MAGI2: variants seen among roughly 807,000 people sequenced by gnomAD.
MAGI2 encodes the protein membrane-associated guanylate kinase, WW and PDZ domain-containing protein 2.
A neutral mutation model predicts 133.3 loss-of-function variants in MAGI2; 35 were observed. The ratio of observed to expected loss-of-function variants is 0.26; its 90% CI spans 0.20 to 0.35. The LOEUF (loss-of-function observed/expected upper bound fraction) is 0.35. MAGI2 is among the 10% of genes least tolerant of loss of function. The pLI is 1.00. For synonymous variants in MAGI2, 729 were observed against 710.6 expected, an observed-to-expected ratio of 1.03 and a Z score of -0.41; for missense variants, 1,636 against 1,863.4, an observed-to-expected ratio of 0.88 and a Z score of 2.25.
chr7:78,589,872 G>A (rs1000722308), intron 3 of MAGI2, among the ~76,000 whole-genome samples: 12 of 152,150 alleles, frequency 7.9e-5, no homozygotes, highest in Admixed American at 7.9e-4. Flanking sequence ...ACAACAAGCA[G>A]GTTATTATTT....
chr7:78,450,235 A>G (rs6957152), intron 6 of MAGI2, among the ~76,000 whole-genome samples: 49,583 of 151,788 alleles, frequency 0.33, 8,272 homozygotes, highest in East Asian at 0.47. Flanking sequence ...CATAACATTC[A>G]TATGATTTAA....
chr7:78,505,772 G>A (rs62467121), intron 4 of MAGI2, among the ~76,000 whole-genome samples: 5 of 152,108 alleles, frequency 3.3e-5, no homozygotes, highest in South Asian at 2.1e-4. Context: ...TAAGGGAATC[G>A]TATGTATATG....
intron 2 of MAGI2, among the ~76,000 whole-genome samples, chr7:78,984,287 C>T (rs963794827): frequency 4.6e-5 from 7 of 151,976 alleles, no homozygotes; most frequent in Non-Finnish European, 1.0e-4. Context: ...TCAGCATTCT[C>T]CATACACAGC....
chr7:78,781,786 A>T (rs1407812165), intron 2 of MAGI2, among the ~76,000 whole-genome samples: 1 of 152,242 alleles, frequency 6.6e-6, no homozygotes, highest in Non-Finnish European at 1.5e-5. Flanking sequence ...GAATGTTAAC[A>T]TCAGAAAAAA....
At chr7:78,951,722 C>T (rs555990382) in intron 2 of MAGI2, among the ~76,000 whole-genome samples, 115 of 152,260 alleles carry the variant, frequency 7.6e-4, no homozygotes, top group African/African-American at 2.7e-3. Flanking sequence ...CTTCATCCAA[C>T]CAAAAATTTT....
At chr7:78,439,005 T>C (rs958584845) in intron 6 of MAGI2, among the ~76,000 whole-genome samples, 12 of 152,196 alleles carry the variant, frequency 7.9e-5, no homozygotes, top group East Asian at 3.9e-4. Flanking sequence ...GTAACTACCT[T>C]GAACTACCTG....
intron 20 of MAGI2, among the ~76,000 whole-genome samples, chr7:78,088,430 A>T (rs1274570546): frequency 2.0e-5 from 3 of 152,218 alleles, no homozygotes; most frequent in Admixed American, 2.0e-4. Context: ...GAGCATGAAA[A>T]GGTACACCAA....
intron 2 of MAGI2, among the ~76,000 whole-genome samples, chr7:78,645,546 A>G (rs899546952): frequency 6.6e-6 from 1 of 152,120 alleles, no homozygotes; most frequent in Non-Finnish European, 1.5e-5. Flanking sequence ...CAAACTAGAG[A>G]AGAAAACCCA....
intron 1 of MAGI2, among the ~76,000 whole-genome samples, chr7:79,287,666 A>C (rs180985780): frequency 6.6e-6 from 1 of 152,268 alleles, no homozygotes; most frequent in Non-Finnish European, 1.5e-5. Flanking sequence ...GCTTTGCAGG[A>C]CCTTTGCTAG....
intron 1 of MAGI2, among the ~76,000 whole-genome samples, chr7:79,164,698 T>C (rs1824752759): frequency 6.6e-6 from 1 of 151,942 alleles, no homozygotes; most frequent in Admixed American, 6.6e-5. Context: ...GCTTGAAAGT[T>C]CCCCCACCTT....
Position 79,278,378 on chromosome 7 carries a change from G to C in MAGI2, c.301+174642C>G, listed in dbSNP as rs764507814. 1.1e-3 allele frequency among the ~76,000 whole-genome samples: 160 copies of C among 152,190 alleles called. 1 individual carries two copies. Among genetic ancestry groups the C allele is most frequent in the Non-Finnish European group, 1.4e-3 (96 of 67,992 alleles). ...TGCCTCTTTCTTTATAAATTACCCA[G>C]TTTCAGGTATTTCTTTATAGTAATG... On this transcript the variant is annotated intron_variant, in intron 1 of 21. Coordinates refer to ENST00000354212, the MANE Select transcript of MAGI2 (RefSeq NM_012301.4).
chr7:78,120,576 G>A (rs939133958), intron 20 of MAGI2, among the ~76,000 whole-genome samples: 2 of 152,054 alleles, frequency 1.3e-5, no homozygotes, highest in African/African-American at 4.8e-5. Context: ...ATTGATGCAG[G>A]GATAGACAAA....
At chr7:79,306,999 T>A (rs12536811) in intron 1 of MAGI2, among the ~76,000 whole-genome samples, 1 of 151,830 alleles carries the variant, frequency 6.6e-6, no homozygotes, top group Non-Finnish European at 1.5e-5. Flanking sequence ...TCTTTTTCTT[T>A]TTTGTATTTT....
chr7:78,631,574 G>A (rs1204618307), intron 2 of MAGI2, among the ~76,000 whole-genome samples: 1 of 152,172 alleles, frequency 6.6e-6, no homozygotes, highest in African/African-American at 2.4e-5. Context: ...AGAAGAAACA[G>A]AGAACGCCAT....
chr7:79,086,517 C>T (rs1485376065), intron 1 of MAGI2, among the ~76,000 whole-genome samples: 1 of 151,892 alleles, frequency 6.6e-6, no homozygotes, highest in African/African-American at 2.4e-5. Context: ...AAATACTCCT[C>T]AAATTGCTGT....
intron 7 of MAGI2, among the ~76,000 whole-genome samples, chr7:78,349,691 T>G: frequency 6.6e-6 from 1 of 152,190 alleles, no homozygotes; most frequent in East Asian, 1.9e-4. Flanking sequence ...CACCATAAGC[T>G]AATTGCTACA....
At chr7:79,088,803 G>T (rs573997791) in intron 1 of MAGI2, among the ~76,000 whole-genome samples, 4 of 151,946 alleles carry the variant, frequency 2.6e-5, no homozygotes, top group Admixed American at 6.6e-5. Flanking sequence ...TTTATGTGAT[G>T]GATTATGTTT....
chr7:78,293,069 C>A (rs1240220953), intron 9 of MAGI2, among the ~76,000 whole-genome samples: 3 of 152,094 alleles, frequency 2.0e-5, no homozygotes, highest in Non-Finnish European at 2.9e-5. Context: ...GCAACAAAAG[C>A]CCAAATTGAC....
chr7:78,361,350 G>A (rs141588845), intron 7 of MAGI2, among the ~76,000 whole-genome samples: 2 of 146,598 alleles, frequency 1.4e-5, no homozygotes, highest in African/African-American at 2.5e-5. Flanking sequence ...CCAAGATCGT[G>A]CCACTGCACT....
Sources: allele counts gnomAD v4.1 joint callset (sites outside exome capture counted in the v4.1 genomes callset), GRCh38; gene constraint gnomAD v4.1.1; transcripts MANE v1.5; gene names NCBI Gene and HGNC (gene_info 2026-07-23, HGNC 2026-07-21).